PLCB4: variants seen among roughly 807,000 people sequenced by gnomAD.
PLCB4 encodes 1-phosphatidylinositol 4,5-bisphosphate phosphodiesterase beta-4.
A neutral mutation model predicts 178.8 loss-of-function variants in PLCB4; 77 were observed. That is an observed-to-expected ratio of 0.43 (90% CI 0.36 to 0.52). The LOEUF (loss-of-function observed/expected upper bound fraction) is 0.52. Among genes scored for constraint, PLCB4 ranks in the 20% least tolerant of loss-of-function variants. The pLI, the probability that PLCB4 is intolerant of heterozygous loss-of-function variation, is 0.00. For missense variants in PLCB4, 1,024 were observed against 1,453.4 expected (o/e 0.70, Z 4.80); for synonymous variants, 496 against 490.8 (o/e 1.01, Z -0.14).
At chr20:9,122,405 G>T (rs1311098516) in intron 2 of PLCB4, among the ~76,000 whole-genome samples, 5 of 151,858 alleles carry the variant, frequency 3.3e-5, no homozygotes, top group Non-Finnish European at 7.4e-5. Flanking sequence ...TTTAAACATG[G>T]TTTTTAATGG....
intron 3 of PLCB4, among the ~76,000 whole-genome samples, chr20:9,222,690 T>G (rs2093814754): frequency 6.6e-6 from 1 of 152,216 alleles, no homozygotes; most frequent in South Asian, 2.1e-4. Flanking sequence ...CCTTTTTTTG[T>G]CCACTGAATA....
intron 3 of PLCB4, among the ~76,000 whole-genome samples, chr20:9,294,833 C>T (rs971928634): frequency 3.9e-5 from 6 of 152,052 alleles, no homozygotes; most frequent in African/African-American, 9.7e-5. Flanking sequence ...TGTCTGCTGT[C>T]GGGGTACCAT....
At chr20:9,157,677 G>A (rs1333318074) in intron 2 of PLCB4, among the ~76,000 whole-genome samples, 1 of 152,140 alleles carries the variant, frequency 6.6e-6, no homozygotes, top group African/African-American at 2.4e-5. Context: ...CCATGAAGAA[G>A]CCTCCTTCTC....
intron 7 of PLCB4, among the ~76,000 whole-genome samples, chr20:9,350,730 T>G (rs2034254884): frequency 6.6e-6 from 1 of 152,136 alleles, no homozygotes; most frequent in Non-Finnish European, 1.5e-5. Context: ...AGCTAATTAT[T>G]GTATTTTTAG....
At chr20:9,389,469 A>C (rs1446708132) in intron 15 of PLCB4, among the ~76,000 whole-genome samples, 1 of 152,156 alleles carries the variant, frequency 6.6e-6, no homozygotes, top group African/African-American at 2.4e-5. Context: ...GTTACTACCC[A>C]CACTTTTCTG....
chr20:9,242,826 C>G (rs2147425254), intron 3 of PLCB4, among the ~76,000 whole-genome samples: 1 of 152,286 alleles, frequency 6.6e-6, no homozygotes, highest in Admixed American at 6.5e-5. Flanking sequence ...GAATCAGAAA[C>G]TGTAGGAGTG....
At chr20:9,379,259 A>G (rs1000526330) in intron 12 of PLCB4, among the ~76,000 whole-genome samples, 1 of 152,080 alleles carries the variant, frequency 6.6e-6, no homozygotes, top group African/African-American at 2.4e-5. Context: ...TGGGTTTTTC[A>G]TCATTGCCAT....
chr20:9,261,628 C>G (rs1218705544), intron 3 of PLCB4, among the ~76,000 whole-genome samples: 1 of 152,112 alleles, frequency 6.6e-6, no homozygotes, highest in Non-Finnish European at 1.5e-5. Flanking sequence ...ACTGAACATA[C>G]TTCTTCTTTT....
At chr20:9,069,791 A>G (rs756719229) in intron 1 of PLCB4, among the ~76,000 whole-genome samples, 14 of 152,234 alleles carry the variant, frequency 9.2e-5, no homozygotes, top group Non-Finnish European at 1.6e-4. Context: ...AAGTATGGAA[A>G]TATGGAATTC....
chr20:9,353,142 G>C (rs112713708), intron 7 of PLCB4, among the ~76,000 whole-genome samples: 61 of 152,310 alleles, frequency 4.0e-4, no homozygotes, highest in African/African-American at 1.4e-3. Flanking sequence ...GGGGGCAAAA[G>C]TCCTGTTGCT....
intron 4 of PLCB4, among the ~76,000 whole-genome samples, chr20:9,308,946 C>T (rs1391393268): frequency 2.0e-5 from 3 of 152,160 alleles, no homozygotes; most frequent in African/African-American, 7.2e-5. Flanking sequence ...TAATATTCTG[C>T]CATCCAGAGA....
At chr20:9,079,657 G>C (rs936049885) in intron 1 of PLCB4, among the ~76,000 whole-genome samples, 1 of 152,168 alleles carries the variant, frequency 6.6e-6, no homozygotes, top group Non-Finnish European at 1.5e-5. Flanking sequence ...GGTTTGCATG[G>C]TTGAGTGGTC....
chr20:9,129,918 T>C (rs2092229643), intron 2 of PLCB4, among the ~76,000 whole-genome samples: 1 of 152,134 alleles, frequency 6.6e-6, no homozygotes, highest in African/African-American at 2.4e-5. Flanking sequence ...GTTTTCTATA[T>C]ATAGATTCTT....
intron 7 of PLCB4, among the ~76,000 whole-genome samples, chr20:9,345,255 CT>C (rs577510091): frequency 2.4e-4 from 36 of 149,998 alleles, no homozygotes; most frequent in African/African-American, 7.6e-4. Context: ...AAATAAAGCT[CT>C]TTTTTTTTTC....
At chr20:9,386,172 A>G (rs9753567) in intron 14 of PLCB4, among the ~76,000 whole-genome samples, 30,271 of 151,406 alleles carry the variant, frequency 0.2, 5,322 homozygotes, top group African/African-American at 0.47. Flanking sequence ...AGAACCACGG[A>G]AGTCCGGGGC....
intron 3 of PLCB4, among the ~76,000 whole-genome samples, chr20:9,273,700 G>GTT (rs1601551395): frequency 6.6e-6 from 1 of 151,692 alleles, no homozygotes; most frequent in East Asian, 1.9e-4. Flanking sequence ...GTGTGTGTGT[G>GTT]TGTGTGTGTG....
chr20:9,104,318 T>C (rs1028509250), intron 2 of PLCB4, among the ~76,000 whole-genome samples: 1 of 152,134 alleles, frequency 6.6e-6, no homozygotes, highest in African/African-American at 2.4e-5. Flanking sequence ...GTAAAAGTTG[T>C]CACTTTCTTA....
intron 4 of PLCB4, among the ~76,000 whole-genome samples, chr20:9,317,837 G>T (rs1177110555): frequency 1.3e-5 from 2 of 152,214 alleles, no homozygotes; most frequent in South Asian, 2.1e-4. Flanking sequence ...GGTGGCTCAC[G>T]CCTGTAATCC....
At chr20:9,173,356 T>C (rs1032982366) in intron 2 of PLCB4, among the ~76,000 whole-genome samples, 2 of 152,202 alleles carry the variant, frequency 1.3e-5, no homozygotes, top group Non-Finnish European at 2.9e-5. Context: ...AATTAGAAGA[T>C]CTGGCCACAT....
Sources: allele counts gnomAD v4.1 joint callset (sites outside exome capture counted in the v4.1 genomes callset), GRCh38; gene constraint gnomAD v4.1.1; transcripts MANE v1.5; gene names NCBI Gene and HGNC (gene_info 2026-07-23, HGNC 2026-07-21).